The following SUGCT variants were observed in gnomAD, a reference collection of about 807,000 sequenced individuals.
SUGCT encodes the protein succinyl-CoA:glutarate CoA-transferase.
SUGCT carries 41 observed loss-of-function variants against 55.0 expected under a neutral mutation model. The observed-to-expected ratio is 0.74, with a 90% confidence interval of 0.58 to 0.97. SUGCT has a LOEUF of 0.97. SUGCT is among the 50% of genes least tolerant of loss of function. SUGCT has a pLI of 0.00. For synonymous variants in SUGCT, 187 were observed against 200.4 expected (o/e 0.93, Z 0.56); for missense variants, 568 against 547.8 (o/e 1.04, Z -0.37).
the SUGCT span, among the ~76,000 whole-genome samples, chr7:40,922,475 A>G: frequency 1.3e-5 from 2 of 152,198 alleles, no homozygotes; most frequent in Non-Finnish European, 2.9e-5. Flanking sequence ...AGCTTGACTC[A>G]TGGGGCAGGG....
chr7:40,426,426 G>T (rs1222832095), intron 9 of SUGCT, among the ~76,000 whole-genome samples: 1 of 152,094 alleles, frequency 6.6e-6, no homozygotes, highest in Non-Finnish European at 1.5e-5. Context: ...CTTTCATTCT[G>T]GAATCTTTTA....
chr7:40,148,973 T>C (rs1258861965), intron 1 of SUGCT, among the ~76,000 whole-genome samples: 1 of 152,148 alleles, frequency 6.6e-6, no homozygotes, highest in Non-Finnish European at 1.5e-5. Context: ...AAAAAACAGT[T>C]GTTCTTCTTT....
intron 11 of SUGCT, among the ~76,000 whole-genome samples, chr7:40,487,250 G>GTTTTTTTT (rs1167865633): frequency 4.9e-4 from 21 of 42,910 alleles, no homozygotes; most frequent in Non-Finnish European, 5.0e-4. Flanking sequence ...ACACCCAGCT[G>GTTTTTTTT]TTTTTTTTTT....
chr7:40,812,119 T>C (rs760747377), intron 13 of SUGCT, among the ~76,000 whole-genome samples: 1 of 152,212 alleles, frequency 6.6e-6, no homozygotes, highest in African/African-American at 2.4e-5. Context: ...TACTTGATCA[T>C]GGCAAATTAA....
chr7:40,143,551 G>A (rs1788093793), intron 1 of SUGCT, among the ~76,000 whole-genome samples: 1 of 152,250 alleles, frequency 6.6e-6, no homozygotes, highest in South Asian at 2.1e-4. Flanking sequence ...CCTCTGGCCT[G>A]CGGTGCGCAC....
intron 12 of SUGCT, among the ~76,000 whole-genome samples, chr7:40,505,725 T>C (rs747558689): frequency 6.6e-6 from 1 of 152,068 alleles, no homozygotes; most frequent in South Asian, 2.1e-4. Flanking sequence ...ATTAGATTTA[T>C]TTAATATTAT....
chr7:40,438,789 A>G (rs1276989319), intron 9 of SUGCT, among the ~76,000 whole-genome samples: 5 of 151,532 alleles, frequency 3.3e-5, no homozygotes, highest in Non-Finnish European at 5.9e-5. Context: ...ACGGCATGTT[A>G]TCACCTGGTT....
intron 6 of SUGCT, among the ~76,000 whole-genome samples, chr7:40,199,743 T>C (rs1285067594): frequency 2.0e-5 from 3 of 152,150 alleles, no homozygotes; most frequent in Non-Finnish European, 2.9e-5. Flanking sequence ...TATTATTGAC[T>C]AGACTGAGTT....
intron 8 of SUGCT, among the ~76,000 whole-genome samples, chr7:40,288,113 A>G (rs1214524228): frequency 6.6e-6 from 1 of 152,122 alleles, no homozygotes. Context: ...GTTTATATTC[A>G]TAAGGGATAT....
intron 13 of SUGCT, among the ~76,000 whole-genome samples, chr7:40,849,251 G>T (rs1457635327): frequency 6.6e-6 from 1 of 151,970 alleles, no homozygotes; most frequent in Non-Finnish European, 1.5e-5. Flanking sequence ...AAAATCAAAT[G>T]AAAAAAATCC....
chr7:40,543,559 G>T (rs1343564781), intron 12 of SUGCT, among the ~76,000 whole-genome samples: 1 of 152,150 alleles, frequency 6.6e-6, no homozygotes, highest in Non-Finnish European at 1.5e-5. Flanking sequence ...CAGGATAAAA[G>T]GTTATATTAT....
At chr7:40,663,523 A>G (rs1356172041) in intron 12 of SUGCT, among the ~76,000 whole-genome samples, 2 of 122,092 alleles carry the variant, frequency 1.6e-5, no homozygotes, top group African/African-American at 6.7e-5. Flanking sequence ...GTGTGTGTGT[A>G]TCATTACTTA....
rs527588136 is a variant in SUGCT, at chr7:40,714,637, A to G, written c.1090-34797A>G. Among the ~76,000 whole-genome samples, 12 of 152,308 alleles carry G rather than the reference A, an allele frequency of 7.9e-5. No individual in the cohort carries two copies. The East Asian group carries it at 2.3e-3, about 29-fold the overall frequency. ...CTCCATTATTTAAGGAAATTATTACATAACTGCATAGGTCTTCAATAATAG... is the reference window on the plus strand; with the variant it reads ...CTCCATTATTTAAGGAAATTATTACGTAACTGCATAGGTCTTCAATAATAG... On this transcript the variant is annotated intron_variant, in intron 12 of 13. Coordinates refer to ENST00000335693, the MANE Select transcript of SUGCT (RefSeq NM_001193313.2).
chr7:40,615,292 T>G (rs935044579), intron 12 of SUGCT, among the ~76,000 whole-genome samples: 4 of 137,904 alleles, frequency 2.9e-5, no homozygotes, highest in Middle Eastern at 3.7e-3. Flanking sequence ...AAATATAGAT[T>G]AACAAGCAAT....
At chr7:41,028,318 C>T in the SUGCT span, among the ~76,000 whole-genome samples, 1 of 152,200 alleles carries the variant, frequency 6.6e-6, no homozygotes, top group African/African-American at 2.4e-5. Flanking sequence ...GAAATAAAGT[C>T]GCTAGAATTT....
chr7:40,917,831 A>C, the SUGCT span, among the ~76,000 whole-genome samples: 1 of 152,156 alleles, frequency 6.6e-6, no homozygotes, highest in Non-Finnish European at 1.5e-5. Context: ...TCACAAGGGC[A>C]CTAATCTTAG....
chr7:40,700,156 A>G (rs115430860), intron 12 of SUGCT, among the ~76,000 whole-genome samples: 15 of 152,232 alleles, frequency 9.9e-5, no homozygotes, highest in African/African-American at 3.6e-4. Flanking sequence ...GTCAAATACA[A>G]TTTCTGGGAC....
intron 12 of SUGCT, among the ~76,000 whole-genome samples, chr7:40,511,007 T>G (rs1792897058): frequency 6.6e-6 from 1 of 152,170 alleles, no homozygotes. Flanking sequence ...TTTTAAAAGA[T>G]TCTGCAAGGA....
At chr7:40,435,465 T>C (rs1384701614) in intron 9 of SUGCT, among the ~76,000 whole-genome samples, 1 of 152,198 alleles carries the variant, frequency 6.6e-6, no homozygotes, top group Non-Finnish European at 1.5e-5. Context: ...ATGTCTCATA[T>C]TTCCTGAATT....
Sources: gnomAD v4.1 joint callset for allele counts (sites outside exome capture counted in the v4.1 genomes callset) on GRCh38, gnomAD v4.1.1 for gene constraint, MANE v1.5 for transcripts, NCBI Gene and HGNC (gene_info 2026-07-23, HGNC 2026-07-21) for gene names.